RAP1A: variants seen among roughly 807,000 people sequenced by gnomAD.
RAP1A encodes the protein ras-related protein Rap-1A.
In RAP1A, 6 loss-of-function variants were observed where a neutral mutation model predicts 26.4. The observed-to-expected ratio is 0.23, with a 90% confidence interval of 0.12 to 0.45. The LOEUF (loss-of-function observed/expected upper bound fraction) is 0.45, where lower values mean the gene tolerates loss of function less well. Among genes scored for constraint, RAP1A ranks in the 20% least tolerant of loss-of-function variants. The pLI is 0.99. For synonymous variants in RAP1A, 73 were observed against 79.4 expected, an observed-to-expected ratio of 0.92 and a Z score of 0.43; for missense variants, 121 against 217.2, an observed-to-expected ratio of 0.56 and a Z score of 2.78.
chr1:111,645,573 A>T (rs1244463043), intron 1 of RAP1A, among the ~76,000 whole-genome samples: 1 of 152,240 alleles, frequency 6.6e-6, no homozygotes, highest in Admixed American at 6.5e-5. Flanking sequence ...AATACATGGA[A>T]TAGAGGAATC....
intron 1 of RAP1A, among the ~76,000 whole-genome samples, chr1:111,676,355 A>C (rs1273935625): frequency 6.6e-6 from 1 of 152,152 alleles, no homozygotes; most frequent in Non-Finnish European, 1.5e-5. Flanking sequence ...TGTCTCAAAA[A>C]TAAAAAATAA....
At chr1:111,638,962 T>C (rs370585532) in intron 1 of RAP1A, among the ~76,000 whole-genome samples, 18 of 152,288 alleles carry the variant, frequency 1.2e-4, no homozygotes, top group African/African-American at 4.1e-4. Flanking sequence ...TTCAGAACTC[T>C]AAAGGCACAT....
Position 111,648,396 on chromosome 1 carries a change from C to A in RAP1A, c.-28+28462C>A, listed in dbSNP as rs1660146242. 2.4e-5 allele frequency: 15 copies of A among 621,340 alleles called. 1 individual carries two copies. Among genetic ancestry groups the A allele is most frequent in the South Asian group, 2.3e-4 (15 of 65,278 alleles). 38.5% of individuals were successfully genotyped at this position (621,340 alleles called of 1,614,324 possible). On this transcript the variant is annotated intron_variant, in intron 1 of 7. Coordinates refer to ENST00000369709, the MANE Select transcript of RAP1A (RefSeq NM_002884.4). ...CGCATGGAGTTGCTGCTGTCCAGGG[C>A]ATCACCAAGATTGAAGTCCTTGCCA... is the stretch of plus-strand genomic sequence containing the variant.
intron 1 of RAP1A, among the ~76,000 whole-genome samples, chr1:111,600,675 G>C (rs975930528): frequency 3.3e-5 from 5 of 152,178 alleles, no homozygotes; most frequent in African/African-American, 1.2e-4. Flanking sequence ...GTGTGGGGAG[G>C]GCACCAGGGG....
At chr1:111,607,877 C>T (rs1167502723) in intron 1 of RAP1A, among the ~76,000 whole-genome samples, 1 of 126,794 alleles carries the variant, frequency 7.9e-6, no homozygotes, top group East Asian at 2.3e-4. Context: ...TGACCCCCCC[C>T]ACCTCCCTCC....
At chr1:111,618,062 A>C (rs1659052226), upstream of RAP1A, among the ~76,000 whole-genome samples, 1 of 151,762 alleles carries the variant, frequency 6.6e-6, no homozygotes, top group South Asian at 2.1e-4. Flanking sequence ...AAATCATTCC[A>C]GCATACTAAA....
At position 111,657,325 on chromosome 1, in the gene RAP1A, C is replaced by G. The variant is rs190906861; in HGVS notation, c.-27-34009C>G. On this transcript the variant is annotated intron_variant, in intron 1 of 7. Transcript: ENST00000369709. Reference sequence around the variant, plus strand: ...CATATTGTATAAAATTACTTTCAGGCTGTGTATGAAGTGTTTATGAAACAG... The same window carrying G: ...CATATTGTATAAAATTACTTTCAGGGTGTGTATGAAGTGTTTATGAAACAG... Among the ~76,000 whole-genome samples, 145 of 152,244 alleles carry G rather than the reference C, an allele frequency of 9.5e-4. 2 individuals carry two copies. Among genetic ancestry groups the G allele is most frequent in the Non-Finnish European group, 5.3e-4 (36 of 67,996 alleles).
intron 4 of RAP1A, among the ~76,000 whole-genome samples, chr1:111,701,354 T>C (rs1662015978): frequency 6.6e-6 from 1 of 152,202 alleles, no homozygotes; most frequent in Non-Finnish European, 1.5e-5. Context: ...CTCCCTCACA[T>C]GGTTGCTCAA....
intron 6 of RAP1A, among the ~76,000 whole-genome samples, chr1:111,708,245 C>T (rs1169504334): frequency 0.025 from 3 of 122 alleles, no homozygotes; most frequent in African/African-American, 0.094. Context: ...ACTTTTTCTA[C>T]TTTTTACGTT....
chr1:111,651,499 CAG>C (rs1409415572), intron 1 of RAP1A, among the ~76,000 whole-genome samples: 4 of 120,246 alleles, frequency 3.3e-5, no homozygotes, highest in Non-Finnish European at 6.6e-5. Context: ...TTTTTTTAGA[CAG>C]AGTCTCGCTC....
rs555768222 is a variant in RAP1A at position 111,706,590 on chromosome 1, G to A, written c.468+2104G>A. ...ATTGTTCTTTGCTGAGGCTGGAATAGTAATTGGAATCAAGACAACCCAATT... is the reference window on the plus strand; with the variant it reads ...ATTGTTCTTTGCTGAGGCTGGAATAATAATTGGAATCAAGACAACCCAATT... On this transcript the variant is annotated intron_variant, in intron 6 of 7. Coordinates refer to ENST00000369709, the MANE Select transcript of RAP1A (RefSeq NM_002884.4). The A allele has an allele frequency of 2.6e-4, 108 of 412,868 alleles. 1 individual carries two copies. In the South Asian group the frequency reaches 9.7e-3, roughly 37 times the overall value. The allele number at this position is 412,868 out of a possible 1,614,324, so 25.6% of individuals were successfully genotyped here.
chr1:111,638,588 C>A (rs377606604), intron 1 of RAP1A, among the ~76,000 whole-genome samples: 10 of 152,142 alleles, frequency 6.6e-5, no homozygotes, highest in African/African-American at 2.2e-4. Flanking sequence ...ACATGCCTGG[C>A]TAACTTTTTG....
intron 7 of RAP1A, among the ~76,000 whole-genome samples, chr1:111,710,492 G>A (rs486982): frequency 0.42 from 63,948 of 151,976 alleles, 13,761 homozygotes; most frequent in African/African-American, 0.51. Flanking sequence ...ACATAATTTG[G>A]TGCTTATTAC....
intron 1 of RAP1A, among the ~76,000 whole-genome samples, chr1:111,579,891 G>A (rs138157313): frequency 2.5e-3 from 377 of 151,400 alleles, no homozygotes; most frequent in African/African-American, 8.8e-3. Context: ...CTCACTGCAA[G>A]CGAGTCTCTT....
intron 3 of RAP1A, among the ~76,000 whole-genome samples, chr1:111,697,004 G>A (rs1429089997): frequency 6.6e-6 from 1 of 152,114 alleles, no homozygotes; most frequent in Non-Finnish European, 1.5e-5. Flanking sequence ...AACATGGTAA[G>A]TTGGCAAGAT....
At chr1:111,698,917 T>G (rs2101271385) in intron 4 of RAP1A, among the ~76,000 whole-genome samples, 1 of 151,286 alleles carries the variant, frequency 6.6e-6, no homozygotes, top group African/African-American at 2.4e-5. Flanking sequence ...CCAGAGACCC[T>G]AATAGCTAAA....
chr1:111,575,397 C>A (rs1351727245), intron 1 of RAP1A, among the ~76,000 whole-genome samples: 1 of 152,198 alleles, frequency 6.6e-6, no homozygotes, highest in African/African-American at 2.4e-5. Flanking sequence ...AAGTGATACG[C>A]CTGCCTCAGC....
In RAP1A at chr1:111,662,550, C is replaced by T. The variant is rs116289484; in HGVS notation, c.-27-28784C>T. Among the ~76,000 whole-genome samples the T allele has an allele frequency of 8.5e-3, 1,291 of 152,046 alleles. 24 individuals carry two copies. Among genetic ancestry groups the T allele is most frequent in the African/African-American group, 0.029 (1,218 of 41,434 alleles). On this transcript the variant is annotated intron_variant, in intron 1 of 7. Transcript: ENST00000369709. ...AATTTGTGTAGAACTGTAGCACTTA[C>T]GAGGATAGGAAACTCATAACACTCT...
intron 1 of RAP1A, among the ~76,000 whole-genome samples, chr1:111,655,051 A>G (rs1283367988): frequency 6.6e-6 from 1 of 151,914 alleles, no homozygotes; most frequent in African/African-American, 2.4e-5. Flanking sequence ...AATGTGGGCC[A>G]GACCATAGAC....
Sources: allele counts gnomAD v4.1 joint callset (sites outside exome capture counted in the v4.1 genomes callset), GRCh38; gene constraint gnomAD v4.1.1; transcripts MANE v1.5; gene names NCBI Gene and HGNC (gene_info 2026-07-23, HGNC 2026-07-21).